The following STXBP5L variants were observed in gnomAD, a reference collection of about 807,000 sequenced individuals.
STXBP5L encodes the protein syntaxin-binding protein 5-like.
A neutral mutation model predicts 144.5 loss-of-function variants in STXBP5L; 65 were observed. The ratio of observed to expected loss-of-function variants is 0.45; its 90% confidence interval spans 0.37 to 0.55. The LOEUF is 0.55. Among genes scored for constraint, STXBP5L ranks in the 20% least tolerant of loss-of-function variants. The probability of loss-of-function intolerance (pLI) is 0.00; values close to 1 mark genes in which losing one functional copy is unlikely to be tolerated. For missense variants in STXBP5L, 1,298 were observed against 1,405.5 expected, an observed-to-expected ratio of 0.92 and a Z score of 1.22; for synonymous variants, 505 against 469.6, an observed-to-expected ratio of 1.08 and a Z score of -0.97.
At chr3:121,408,453 AT>A (rs1428126229) in intron 23 of STXBP5L, among the ~76,000 whole-genome samples, 2 of 151,952 alleles carry the variant, frequency 1.3e-5, no homozygotes, top group Admixed American at 6.6e-5. Context: ...GGGAGATAAG[AT>A]AGATACACAG....
At chr3:120,936,581 T>TA (rs1283064943) in intron 2 of STXBP5L, among the ~76,000 whole-genome samples, 1 of 152,116 alleles carries the variant, frequency 6.6e-6, no homozygotes, top group East Asian at 1.9e-4. Context: ...TAGGTTCACT[T>TA]AGAGACTCTT....
intron 5 of STXBP5L, among the ~76,000 whole-genome samples, chr3:121,070,980 C>A (rs1462976345): frequency 6.6e-6 from 1 of 152,032 alleles, no homozygotes; most frequent in Non-Finnish European, 1.5e-5. Context: ...GATTGCAGAC[C>A]GAGTAACTAG....
Position 120,992,284 on chromosome 3 carries a change from A to AT in STXBP5L, c.287+37250dup, listed in dbSNP as rs1942975998. Among the ~76,000 whole-genome samples, 4 of 152,206 alleles carry AT rather than the reference A, an allele frequency of 2.6e-5. No homozygotes were observed. The South Asian group carries it at 8.3e-4, about 32-fold the overall frequency. ...ATATCCATTACCTCAAGTGTTTATTATTTATATATGTTGGGAACATTTTAA... is the reference window on the plus strand; with the variant it reads ...ATATCCATTACCTCAAGTGTTTATTATTTTATATATGTTGGGAACATTTTAA... On this transcript the variant is annotated intron_variant, in intron 3 of 26. Transcript: ENST00000471454.
intron 14 of STXBP5L, 94 bp from the exon 15 acceptor site, chr3:121,250,629 T>G (rs1577304569): frequency 9.7e-7 from 1 of 1,028,200 alleles, no homozygotes; most frequent in East Asian, 2.6e-5. Flanking sequence ...TGAATCAAAA[T>G]TGTATCAACA....
intron 19 of STXBP5L, among the ~76,000 whole-genome samples, chr3:121,301,757 C>T (rs887467527): frequency 6.6e-6 from 1 of 151,934 alleles, no homozygotes; most frequent in Non-Finnish European, 1.5e-5. Context: ...TAGCATGAAG[C>T]GTTGTTGAAT....
chr3:121,348,252 G>A (rs7625766), intron 20 of STXBP5L, among the ~76,000 whole-genome samples: 119,524 of 151,974 alleles, frequency 0.79, 47,262 homozygotes, highest in East Asian at 0.93. Flanking sequence ...TATATGCTGG[G>A]TTATGTTTAT....
chr3:121,077,863 G>A (rs2042086999), intron 5 of STXBP5L, among the ~76,000 whole-genome samples: 1 of 152,100 alleles, frequency 6.6e-6, no homozygotes, highest in Admixed American at 6.5e-5. Flanking sequence ...TAGACACAGG[G>A]TGCTGATTGG....
intron 3 of STXBP5L, among the ~76,000 whole-genome samples, chr3:121,022,749 G>A (rs1000144823): frequency 6.6e-6 from 1 of 152,072 alleles, no homozygotes; most frequent in African/African-American, 2.4e-5. Flanking sequence ...TGGCAGAGAA[G>A]GGACGTATCT....
intron 2 of STXBP5L, chr3:120,924,694 A>C (rs1226434736): frequency 6.6e-6 from 1 of 151,606 alleles, no homozygotes; most frequent in African/African-American, 2.4e-5. Context: ...CCTCGTCTTT[A>C]TTTTATTTAT....
chr3:121,049,629 C>T (rs1271853043), intron 5 of STXBP5L: 1 of 154,366 alleles, frequency 6.5e-6, no homozygotes, highest in African/African-American at 2.4e-5. Context: ...GGTGGTCTCA[C>T]TAGTGTCCCA....
intron 18 of STXBP5L, among the ~76,000 whole-genome samples, chr3:121,264,472 TC>T (rs2050487458): frequency 6.6e-6 from 1 of 151,616 alleles, no homozygotes; most frequent in South Asian, 2.1e-4. Flanking sequence ...CCCATAAAAC[TC>T]CCATGGAGTT....
chr3:120,996,428 T>C (rs1943354848), intron 3 of STXBP5L, among the ~76,000 whole-genome samples: 1 of 152,146 alleles, frequency 6.6e-6, no homozygotes, highest in African/African-American at 2.4e-5. Context: ...AACATATCTT[T>C]GTCTTCATAT....
intron 22 of STXBP5L, among the ~76,000 whole-genome samples, chr3:121,390,145 CTTCT>C (rs1279921428): frequency 1.3e-5 from 2 of 152,090 alleles, no homozygotes; most frequent in East Asian, 3.8e-4. Context: ...ATGTAATGGC[CTTCT>C]TTGTCTCTTT....
At chr3:121,058,107 G>A (rs1209480965) in intron 5 of STXBP5L, among the ~76,000 whole-genome samples, 1 of 152,000 alleles carries the variant, frequency 6.6e-6, no homozygotes, top group Admixed American at 6.6e-5. Context: ...GGTATTTCTT[G>A]TAATGCTATC....
chr3:121,016,878 G>A (rs1945184247), intron 3 of STXBP5L, among the ~76,000 whole-genome samples: 1 of 152,144 alleles, frequency 6.6e-6, no homozygotes, highest in African/African-American at 2.4e-5. Context: ...AATTATATCA[G>A]TTCTCTGTAA....
At chr3:120,911,322 G>A (rs952650991) in intron 2 of STXBP5L, among the ~76,000 whole-genome samples, 2 of 152,078 alleles carry the variant, frequency 1.3e-5, no homozygotes, top group African/African-American at 4.8e-5. Flanking sequence ...ATAGTCATAG[G>A]AAGTACCAGA....
At position 120,967,371 on chromosome 3, in the gene STXBP5L, C is replaced by T. The variant is rs549547189; in HGVS notation, c.287+12334C>T. Among the ~76,000 whole-genome samples, 130 of 152,280 alleles carry T rather than the reference C, an allele frequency of 8.5e-4. No homozygotes were observed. The Middle Eastern group carries it at 0.014, about 16-fold the overall frequency. On this transcript the variant is annotated intron_variant, in intron 3 of 26. Coordinates refer to ENST00000471454, the MANE Select transcript of STXBP5L (RefSeq NM_001308330.2). ...AGTTGGAAATGCAGAAATCACCCAT[C>T]TTCTGTGTCAATCACACTGGGAGCT... is the stretch of plus-strand genomic sequence containing the variant.
intron 5 of STXBP5L, among the ~76,000 whole-genome samples, chr3:121,060,538 G>C (rs1576818834): frequency 1.3e-5 from 2 of 152,204 alleles, no homozygotes; most frequent in South Asian, 4.1e-4. Flanking sequence ...AATAGTTTCA[G>C]AAGGAATGAT....
intron 3 of STXBP5L, among the ~76,000 whole-genome samples, chr3:120,984,284 G>A (rs1441824392): frequency 6.6e-6 from 1 of 152,136 alleles, no homozygotes; most frequent in African/African-American, 2.4e-5. Flanking sequence ...ACCAGTAATG[G>A]CTTCTCTTGA....
Sources: gnomAD v4.1 joint callset for allele counts (sites outside exome capture counted in the v4.1 genomes callset) on GRCh38, gnomAD v4.1.1 for gene constraint, MANE v1.5 for transcripts, NCBI Gene and HGNC (gene_info 2026-07-23, HGNC 2026-07-21) for gene names.